Variants in TYW1B observed in about 807,000 individuals in gnomAD.
TYW1B encodes S-adenosyl-L-methionine-dependent tRNA 4-demethylwyosine synthase TYW1B.
In TYW1B, 73 loss-of-function variants were observed where a neutral mutation model predicts 86.9. That is an observed-to-expected ratio of 0.84 (90% CI 0.70 to 1.02). TYW1B has a LOEUF of 1.02. TYW1B is among the 50% of genes least tolerant of loss of function. TYW1B has a pLI of 0.00. For missense variants in TYW1B, 637 were observed against 827.4 expected, an observed-to-expected ratio of 0.77 and a Z score of 2.82; for synonymous variants, 248 against 292.8, an observed-to-expected ratio of 0.85 and a Z score of 1.56.
intron 9 of TYW1B, among the ~76,000 whole-genome samples, chr7:72,726,456 G>A (rs1199039909): frequency 8.6e-5 from 13 of 150,968 alleles, no homozygotes; most frequent in South Asian, 4.2e-4. Flanking sequence ...TCTGCCTCCC[G>A]GGTTCAAGCG....
intron 13 of TYW1B, among the ~76,000 whole-genome samples, chr7:72,609,723 C>T (rs1276573576): frequency 4.6e-5 from 7 of 152,032 alleles, no homozygotes; most frequent in Non-Finnish European, 1.0e-4. Flanking sequence ...GTGACTACTT[C>T]CTAAGAAATG....
chr7:72,794,825 T>C (rs1273475031), intron 6 of TYW1B, among the ~76,000 whole-genome samples: 3 of 151,580 alleles, frequency 2.0e-5, no homozygotes, highest in African/African-American at 7.3e-5. Flanking sequence ...CTTTTCTTTT[T>C]TTTTTTTTTT....
At chr7:72,713,298 C>T (rs1786713031) in intron 10 of TYW1B, among the ~76,000 whole-genome samples, 1 of 38,020 alleles carries the variant, frequency 2.6e-5, no homozygotes, top group Admixed American at 4.1e-4. Context: ...GAGACTCCAA[C>T]TCAAAAAAAA....
chr7:72,743,560 T>C (rs1291856155), intron 8 of TYW1B, among the ~76,000 whole-genome samples: 3 of 152,052 alleles, frequency 2.0e-5, no homozygotes, highest in Admixed American at 6.6e-5. Flanking sequence ...AATGGGTTAG[T>C]AGGCTGGGTG....
intron 10 of TYW1B, among the ~76,000 whole-genome samples, chr7:72,708,941 T>C (rs1814677107): frequency 6.6e-6 from 1 of 152,188 alleles, no homozygotes; most frequent in South Asian, 2.1e-4. Context: ...TTTTTGAAAT[T>C]TTTTCTAGAT....
At chr7:72,782,936 C>T (rs1788072366) in intron 6 of TYW1B, among the ~76,000 whole-genome samples, 1 of 152,126 alleles carries the variant, frequency 6.6e-6, no homozygotes, top group African/African-American at 2.4e-5. Flanking sequence ...TTTTTCTAGA[C>T]AGTTAACCTG....
chr7:72,714,257 T>G (rs1554455423), intron 9 of TYW1B, among the ~76,000 whole-genome samples: 1 of 152,070 alleles, frequency 6.6e-6, no homozygotes, highest in Non-Finnish European at 1.5e-5. Context: ...GTTCTTATCT[T>G]TGGCTTCATA....
intron 11 of TYW1B, among the ~76,000 whole-genome samples, chr7:72,654,730 C>T (rs1382654191): frequency 6.6e-6 from 1 of 152,012 alleles, no homozygotes; most frequent in African/African-American, 2.4e-5. Flanking sequence ...AAAATACAAA[C>T]ATTAGCCAGG....
intron 10 of TYW1B, among the ~76,000 whole-genome samples, chr7:72,713,038 C>A (rs1367870291): frequency 6.6e-6 from 1 of 151,954 alleles, no homozygotes; most frequent in African/African-American, 2.4e-5. Context: ...GTGGCTCACA[C>A]CTGTAATGCC....
At chr7:72,776,090 C>T (rs1475766816) in intron 7 of TYW1B, among the ~76,000 whole-genome samples, 1 of 151,800 alleles carries the variant, frequency 6.6e-6, no homozygotes, top group South Asian at 2.1e-4. Flanking sequence ...AAGGCTACAG[C>T]GAGCCATGAT....
intron 6 of TYW1B, among the ~76,000 whole-genome samples, chr7:72,787,761 C>T (rs782769761): frequency 6.0e-5 from 9 of 150,938 alleles, no homozygotes; most frequent in Non-Finnish European, 1.2e-4. Context: ...CAGAGTGAGA[C>T]TCCATCTCCA....
At chr7:72,700,758 C>G (rs1395772924) in intron 10 of TYW1B, among the ~76,000 whole-genome samples, 1 of 152,066 alleles carries the variant, frequency 6.6e-6, no homozygotes, top group Non-Finnish European at 1.5e-5. Context: ...CATTTTCATA[C>G]TTTTGTTTCT....
chr7:72,810,874 T>C (rs1289395103), intron 3 of TYW1B, among the ~76,000 whole-genome samples: 2 of 152,030 alleles, frequency 1.3e-5, no homozygotes, highest in Non-Finnish European at 2.9e-5. Flanking sequence ...CTCCTGCCAA[T>C]ATACCTCCTG....
intron 7 of TYW1B, among the ~76,000 whole-genome samples, chr7:72,762,006 C>T (rs1787693014): frequency 6.6e-6 from 1 of 151,800 alleles, no homozygotes; most frequent in Non-Finnish European, 1.5e-5. Context: ...TATATTTAGT[C>T]TTTCTAAAAA....
intron 13 of TYW1B, among the ~76,000 whole-genome samples, chr7:72,577,194 A>AC (rs1491511272): frequency 2.0e-5 from 2 of 98,706 alleles, no homozygotes; most frequent in Admixed American, 1.2e-4. Context: ...TTCTAGCCAC[A>AC]AAAAAAAAAA....
rs564523772 is a variant in TYW1B at position 72,728,944 on chromosome 7, C to A, written c.1083-13G>T. The A allele has an allele frequency of 6.2e-7, 1 of 1,611,076 alleles. No homozygotes were observed. Among genetic ancestry groups the A allele is most frequent in the South Asian group, 1.1e-5 (1 of 90,812 alleles). On this transcript the variant is annotated splice_polypyrimidine_tract_variant and intron_variant, in intron 8 of 13. Coordinates refer to ENST00000620995, the MANE Select transcript of TYW1B (RefSeq NM_001145440.3). ...GTTGTTGTGGTGCCTAGGAACAAGA[C>A]GCAAAGTTCTAAAAGACCCTTCTGT...
At chr7:72,606,024 A>C (rs1382508278) in intron 13 of TYW1B, among the ~76,000 whole-genome samples, 1 of 152,120 alleles carries the variant, frequency 6.6e-6, no homozygotes, top group African/African-American at 2.4e-5. Context: ...AGGATATTAC[A>C]TATAAGGCAA....
In TYW1B at chr7:72,574,765, G is replaced by A; in HGVS notation, c.*733C>T. 1.0e-6 allele frequency: 1 copy of A among 985,342 alleles called. No homozygotes were observed. Among genetic ancestry groups the A allele is most frequent in the Non-Finnish European group, 1.2e-6 (1 of 829,926 alleles). 61.0% of individuals were successfully genotyped at this position (985,342 alleles called of 1,614,324 possible). A position where few individuals can be genotyped will look rare whatever the true frequency, so the allele number is the denominator to read the frequency against. On this transcript the variant is annotated 3_prime_UTR_variant, in exon 14 of 14. Transcript: ENST00000620995. ...AAGAAATGATCCTCTTCAGTCCAAAGTGTGTTTGTGAGACTAATGACTCCA... is the reference window on the plus strand; with the variant it reads ...AAGAAATGATCCTCTTCAGTCCAAAATGTGTTTGTGAGACTAATGACTCCA...
intron 7 of TYW1B, among the ~76,000 whole-genome samples, chr7:72,766,217 T>G (rs1415204064): frequency 3.3e-5 from 5 of 152,250 alleles, no homozygotes; most frequent in African/African-American, 1.2e-4. Context: ...CCTGTGGTGA[T>G]TTAACTTATT....
Sources: allele counts gnomAD v4.1 joint callset (sites outside exome capture counted in the v4.1 genomes callset), GRCh38; gene constraint gnomAD v4.1.1; transcripts MANE v1.5; gene names NCBI Gene and HGNC (gene_info 2026-07-23, HGNC 2026-07-21).